The following RBM47 variants were observed in gnomAD, a reference collection of about 807,000 sequenced individuals.
RBM47 encodes RNA binding motif protein 47, also known as RNA-binding protein 47.
A neutral mutation model predicts 47.1 loss-of-function variants in RBM47; 21 were observed. That is an observed-to-expected ratio of 0.45 (90% CI 0.32 to 0.64). The LOEUF (loss-of-function observed/expected upper bound fraction) is 0.64, where lower values mean the gene tolerates loss of function less well. Ranked by LOEUF, RBM47 falls within the 30% of genes least tolerant of loss-of-function variation. The pLI, the probability that RBM47 is intolerant of heterozygous loss-of-function variation, is 0.05. For missense variants in RBM47, 708 were observed against 870.9 expected, an observed-to-expected ratio of 0.81 and a Z score of 2.35; for synonymous variants, 375 against 361.7, an observed-to-expected ratio of 1.04 and a Z score of -0.42.
rs1299842507 is a variant in RBM47 at position 40,432,757 on chromosome 4, G to T, written c.1436C>A (p.Pro479His). Residue 479 changes from proline to histidine, a missense_variant, in exon 6 of 7, where the codon CCC becomes CAC. Physicochemically the swap from Pro to His is moderately conservative, Grantham distance 77. Coordinates refer to ENST00000295971, the MANE Select transcript of RBM47 (RefSeq NM_001098634.2). The stretch of plus-strand genomic sequence containing the variant: ...GGCTGGGTCTGGCTGCACAGCAATG[G>T]GGCTGATCATGTGCTCCACTGTGTG... ...KIHTVEHMIS[P>H]IAVQPDPASA... 13 of 1,613,244 alleles carry T rather than the reference G, an allele frequency of 8.1e-6. No homozygotes were observed. The Middle Eastern group carries it at 5.2e-4, about 65-fold the overall frequency.
At position 40,437,110 on chromosome 4, in the gene RBM47, T is replaced by A. The variant is rs1176052933; in HGVS notation, c.1124-463A>T. Among the ~76,000 whole-genome samples, 115 of 59,592 alleles carry A rather than the reference T, an allele frequency of 1.9e-3. 15 individuals are homozygous for A. In the East Asian group the frequency reaches 0.025, roughly 13 times the overall value. 39.1% of individuals were successfully genotyped at this position (59,592 alleles called of 152,430 possible). A position where few individuals can be genotyped will look rare whatever the true frequency, so the allele number is the denominator to read the frequency against. On this transcript the variant is annotated intron_variant, in intron 4 of 6. Transcript: ENST00000295971. ...AAAAAAATATATATATATATATATATAAAATACATATATATATATATAAAA... is the reference window on the plus strand; with the variant it reads ...AAAAAAATATATATATATATATATAAAAAATACATATATATATATATAAAA...
chr4:40,546,645 C>A (rs1729064448), intron 1 of RBM47, among the ~76,000 whole-genome samples: 1 of 152,182 alleles, frequency 6.6e-6, no homozygotes, highest in South Asian at 2.1e-4. Flanking sequence ...AATGCAATGG[C>A]CAAATTAACT....
intron 1 of RBM47, among the ~76,000 whole-genome samples, chr4:40,580,988 G>A (rs12646704): frequency 0.11 from 16,678 of 152,262 alleles, 1,092 homozygotes; most frequent in African/African-American, 0.18. Flanking sequence ...TTTTGTTTTC[G>A]CTTTAATTCC....
At chr4:40,498,407 T>C (rs1239672698) in intron 2 of RBM47, among the ~76,000 whole-genome samples, 1 of 152,138 alleles carries the variant, frequency 6.6e-6, no homozygotes, top group Non-Finnish European at 1.5e-5. Context: ...TTGTTAAGTA[T>C]TGGCCTTGGC....
intron 1 of RBM47, among the ~76,000 whole-genome samples, chr4:40,548,689 A>T (rs1219645294): frequency 2.0e-5 from 3 of 151,828 alleles, no homozygotes; most frequent in African/African-American, 7.3e-5. Flanking sequence ...TTTTTGAGAC[A>T]GAGTTTTGCT....
chr4:40,593,214 G>T (rs2154275716), intron 1 of RBM47, among the ~76,000 whole-genome samples: 1 of 148,212 alleles, frequency 6.7e-6, no homozygotes, highest in African/African-American at 2.5e-5. Context: ...TAGCCAGAAG[G>T]GTCTCGATCT....
chr4:40,508,970 G>A (rs1003886640), intron 2 of RBM47, among the ~76,000 whole-genome samples: 6 of 152,124 alleles, frequency 3.9e-5, no homozygotes, highest in Admixed American at 3.9e-4. Context: ...AGACCAGCCT[G>A]GCCAACATGG....
At chr4:40,450,413 G>C (rs982816827) in intron 3 of RBM47, among the ~76,000 whole-genome samples, 1 of 151,732 alleles carries the variant, frequency 6.6e-6, no homozygotes, top group African/African-American at 2.4e-5. Flanking sequence ...GGCCAACATA[G>C]TGAAACTCTG....
intron 2 of RBM47, among the ~76,000 whole-genome samples, chr4:40,479,120 A>G (rs1720038988): frequency 6.6e-6 from 1 of 152,258 alleles, no homozygotes; most frequent in African/African-American, 2.4e-5. Context: ...CAGATGAAGT[A>G]TAAAGCAGTA....
At chr4:40,601,429 TGCTGG>T (rs1735276309) in intron 1 of RBM47, among the ~76,000 whole-genome samples, 1 of 152,180 alleles carries the variant, frequency 6.6e-6, no homozygotes, top group African/African-American at 2.4e-5. Context: ...GATAAAAACA[TGCTGG>T]ATCATTCCAT....
intron 2 of RBM47, among the ~76,000 whole-genome samples, chr4:40,513,749 G>A (rs1043259914): frequency 1.3e-5 from 2 of 150,396 alleles, no homozygotes; most frequent in Non-Finnish European, 3.0e-5. Flanking sequence ...ACGGAGTTTC[G>A]CTCTTGTCAC....
intron 1 of RBM47, among the ~76,000 whole-genome samples, chr4:40,608,134 T>C (rs1251473459): frequency 2.0e-5 from 3 of 151,984 alleles, no homozygotes; most frequent in African/African-American, 7.2e-5. Flanking sequence ...TAATTTAAAA[T>C]GGTGAATTTC....
intron 3 of RBM47, among the ~76,000 whole-genome samples, chr4:40,464,890 C>CA (rs71646997): frequency 0.056 from 1,808 of 32,060 alleles, 330 homozygotes; most frequent in Middle Eastern, 0.14. Flanking sequence ...GACTCTGTCT[C>CA]AAAAAAAAAA....
At chr4:40,428,594 C>T (rs913079097) in intron 6 of RBM47, among the ~76,000 whole-genome samples, 3 of 152,184 alleles carry the variant, frequency 2.0e-5, no homozygotes, top group African/African-American at 7.2e-5. Context: ...GAGGAAATGG[C>T]AGGGAAGGCA....
At chr4:40,584,737 T>TGTACATG (rs1733367118) in intron 1 of RBM47, among the ~76,000 whole-genome samples, 1 of 152,016 alleles carries the variant, frequency 6.6e-6, no homozygotes, top group South Asian at 2.1e-4. Flanking sequence ...CAAAAAAAAA[T>TGTACATG]GTACATGGCT....
chr4:40,605,942 T>G (rs1024304940), intron 1 of RBM47, among the ~76,000 whole-genome samples: 2 of 150,828 alleles, frequency 1.3e-5, no homozygotes, highest in Non-Finnish European at 3.0e-5. Flanking sequence ...AAGAAAAATA[T>G]TACCCAGCAC....
chr4:40,432,438 C>A (rs1229960153), intron 6 of RBM47, among the ~76,000 whole-genome samples: 1 of 152,038 alleles, frequency 6.6e-6, no homozygotes, highest in Non-Finnish European at 1.5e-5. Context: ...ATATTGATTA[C>A]CACCCTTAAT....
chr4:40,541,056 C>A (rs951694570), intron 2 of RBM47, among the ~76,000 whole-genome samples: 2 of 151,744 alleles, frequency 1.3e-5, no homozygotes, highest in Non-Finnish European at 1.5e-5. Flanking sequence ...CGGGAGGCTA[C>A]GACAAGCGGA....
At chr4:40,621,999 T>C (rs13152697) in intron 1 of RBM47, among the ~76,000 whole-genome samples, 40,151 of 152,010 alleles carry the variant, frequency 0.26, 5,470 homozygotes, top group South Asian at 0.34. Context: ...GAAAGGTATG[T>C]TCGTGGTTGT....
Sources: allele counts gnomAD v4.1 joint callset (sites outside exome capture counted in the v4.1 genomes callset), GRCh38; gene constraint gnomAD v4.1.1; transcripts MANE v1.5; gene names NCBI Gene and HGNC (gene_info 2026-07-23, HGNC 2026-07-21).